Variants in EBF1 observed in about 807,000 individuals in gnomAD.
The protein encoded by EBF1 is EBF transcription factor 1.
EBF1 carries 10 observed loss-of-function variants against 68.4 expected under a neutral mutation model. The observed-to-expected ratio is 0.15, with a 90% CI of 0.09 to 0.25. EBF1 has a LOEUF of 0.25. Among genes scored for constraint, EBF1 ranks in the 10% least tolerant of loss-of-function variants. EBF1 has a pLI of 1.00. For synonymous variants in EBF1, 298 were observed against 299.8 expected (o/e 0.99, Z 0.06); for missense variants, 509 against 794.4 (o/e 0.64, Z 4.32).
At chr5:158,753,956 T>G (rs80047082) in intron 10 of EBF1, among the ~76,000 whole-genome samples, 1 of 151,892 alleles carries the variant, frequency 6.6e-6, no homozygotes, top group African/African-American at 2.4e-5. Context: ...ATTTTTTTTT[T>G]CTGGCTAAAA....
chr5:159,033,231 C>T (rs1220891949), intron 6 of EBF1, among the ~76,000 whole-genome samples: 1 of 152,218 alleles, frequency 6.6e-6, no homozygotes, highest in Non-Finnish European at 1.5e-5. Flanking sequence ...TCCTTCCACT[C>T]CGCAGCACAG....
At chr5:159,049,201 C>A (rs953399700) in intron 6 of EBF1, among the ~76,000 whole-genome samples, 2 of 152,214 alleles carry the variant, frequency 1.3e-5, no homozygotes, top group African/African-American at 4.8e-5. Flanking sequence ...ACATACACAG[C>A]TATCCATTAG....
chr5:158,977,086 T>C (rs776941935), intron 6 of EBF1, among the ~76,000 whole-genome samples: 2 of 152,150 alleles, frequency 1.3e-5, no homozygotes, highest in Admixed American at 6.5e-5. Context: ...AATTTCAAAC[T>C]GGTCTTAAAT....
intron 6 of EBF1, among the ~76,000 whole-genome samples, chr5:159,068,964 C>A (rs2127924699): frequency 6.6e-6 from 1 of 152,020 alleles, no homozygotes. Context: ...CACATAGATA[C>A]AGGAATTCTT....
intron 6 of EBF1, among the ~76,000 whole-genome samples, chr5:158,949,204 A>G (rs1815478198): frequency 6.6e-6 from 1 of 152,234 alleles, no homozygotes; most frequent in African/African-American, 2.4e-5. Flanking sequence ...ATGAATATTA[A>G]TGACTTGATC....
At chr5:159,006,289 T>C (rs1384663726) in intron 6 of EBF1, among the ~76,000 whole-genome samples, 2 of 152,184 alleles carry the variant, frequency 1.3e-5, no homozygotes, top group Non-Finnish European at 1.5e-5. Context: ...AGCTGGGTGA[T>C]ATCACAAATA....
intron 1 of EBF1, chr5:159,097,351 T>G: frequency 1.8e-6 from 1 of 567,844 alleles, no homozygotes; most frequent in Non-Finnish European, 3.1e-6. Context: ...GGGTGCGTCC[T>G]CAGAACTCGC....
At chr5:158,837,072 C>T (rs1241748710) in intron 7 of EBF1, among the ~76,000 whole-genome samples, 2 of 152,124 alleles carry the variant, frequency 1.3e-5, no homozygotes, top group Non-Finnish European at 2.9e-5. Flanking sequence ...AGCTTGTCAG[C>T]GGTTATCAGA....
At chr5:158,964,663 GC>G (rs1753740320) in intron 6 of EBF1, among the ~76,000 whole-genome samples, 1 of 146,442 alleles carries the variant, frequency 6.8e-6, no homozygotes, top group Admixed American at 6.7e-5. Flanking sequence ...GATCACCAAA[GC>G]CCAGGGAAAT....
intron 6 of EBF1, among the ~76,000 whole-genome samples, chr5:159,066,651 ACACT>A (rs1776859893): frequency 6.6e-6 from 1 of 151,324 alleles, no homozygotes; most frequent in Non-Finnish European, 1.5e-5. Context: ...ACACACACAC[ACACT>A]CAGCTTCACA....
chr5:159,015,641 G>A (rs554678541), intron 6 of EBF1, among the ~76,000 whole-genome samples: 2 of 152,288 alleles, frequency 1.3e-5, no homozygotes, highest in Admixed American at 1.3e-4. Flanking sequence ...CAGGAACACT[G>A]AGACTATTTA....
chr5:158,877,659 C>A (rs1328443343), intron 6 of EBF1, among the ~76,000 whole-genome samples: 1 of 151,976 alleles, frequency 6.6e-6, no homozygotes, highest in Non-Finnish European at 1.5e-5. Context: ...ATTTTAGTGA[C>A]CCTGAGTTAT....
At chr5:158,835,078 G>A (rs1397253913) in intron 7 of EBF1, among the ~76,000 whole-genome samples, 1 of 152,186 alleles carries the variant, frequency 6.6e-6, no homozygotes, top group Non-Finnish European at 1.5e-5. Flanking sequence ...CTCCCAATTA[G>A]TGTGCTATGA....
At chr5:158,748,493 T>C (rs1768084419) in intron 10 of EBF1, among the ~76,000 whole-genome samples, 1 of 152,202 alleles carries the variant, frequency 6.6e-6, no homozygotes, top group Non-Finnish European at 1.5e-5. Flanking sequence ...TGAATGCACA[T>C]ATCAGTTAAC....
At chr5:158,819,738 G>A (rs145369985) in intron 8 of EBF1, among the ~76,000 whole-genome samples, 120 of 152,258 alleles carry the variant, frequency 7.9e-4, no homozygotes, top group African/African-American at 2.4e-3. Flanking sequence ...CTGTCTCCAC[G>A]ACTGTACATC....
chr5:158,946,222 C>T (rs1814648995), intron 6 of EBF1, among the ~76,000 whole-genome samples: 1 of 152,138 alleles, frequency 6.6e-6, no homozygotes, highest in Non-Finnish European at 1.5e-5. Flanking sequence ...GTTTTGTTCC[C>T]TTGCTGGCGA....
At chr5:158,859,306 A>C (rs1489897792) in intron 6 of EBF1, among the ~76,000 whole-genome samples, 1 of 152,116 alleles carries the variant, frequency 6.6e-6, no homozygotes, top group Non-Finnish European at 1.5e-5. Context: ...TTTTGCCTGT[A>C]ATGCCTTTCT....
intron 6 of EBF1, among the ~76,000 whole-genome samples, chr5:158,879,336 A>G (rs1260502534): frequency 6.6e-6 from 1 of 152,208 alleles, no homozygotes; most frequent in Non-Finnish European, 1.5e-5. Context: ...CAAGGAAGAG[A>G]GTACATGCGT....
At chr5:159,071,623 A>G (rs79347524) in intron 6 of EBF1, among the ~76,000 whole-genome samples, 1 of 152,232 alleles carries the variant, frequency 6.6e-6, no homozygotes, top group East Asian at 1.9e-4. Context: ...ATCGCAACCC[A>G]CAGGAACAGG....
Sources: gnomAD v4.1 joint callset for allele counts (sites outside exome capture counted in the v4.1 genomes callset) on GRCh38, gnomAD v4.1.1 for gene constraint, MANE v1.5 for transcripts, NCBI Gene and HGNC (gene_info 2026-07-23, HGNC 2026-07-21) for gene names.